The following CNTNAP2 variants were observed in gnomAD, a reference collection of about 807,000 sequenced individuals.
CNTNAP2 encodes the protein contactin-associated protein-like 2.
CNTNAP2 carries 98 observed loss-of-function variants against 155.2 expected under a neutral mutation model. That is an observed-to-expected ratio of 0.63 (90% CI 0.54 to 0.75). The LOEUF (loss-of-function observed/expected upper bound fraction) is 0.75. Among genes scored for constraint, CNTNAP2 ranks in the 30% least tolerant of loss-of-function variants. The pLI, the probability that CNTNAP2 is intolerant of heterozygous loss-of-function variation, is 0.00. For synonymous variants in CNTNAP2, 651 were observed against 631.2 expected (o/e 1.03, Z -0.47); for missense variants, 1,727 against 1,688.1 (o/e 1.02, Z -0.40).
At chr7:148,330,105 T>C (rs954267091) in intron 21 of CNTNAP2, among the ~76,000 whole-genome samples, 8 of 150,858 alleles carry the variant, frequency 5.3e-5, no homozygotes, top group African/African-American at 2.0e-4. Flanking sequence ...AATGGATGGA[T>C]AGATGGAGTG....
At chr7:147,022,269 G>C (rs1435964789) in intron 3 of CNTNAP2, among the ~76,000 whole-genome samples, 4 of 152,076 alleles carry the variant, frequency 2.6e-5, no homozygotes, top group African/African-American at 9.7e-5. Flanking sequence ...GTGAGTCCTA[G>C]ATCAGTCCAC....
At chr7:148,355,282 C>T (rs1473940856) in intron 21 of CNTNAP2, among the ~76,000 whole-genome samples, 3 of 144,964 alleles carry the variant, frequency 2.1e-5, no homozygotes, top group South Asian at 2.2e-4. Flanking sequence ...CCCAGGTTCA[C>T]GCCATTCTCC....
At chr7:147,873,099 C>T (rs1799355481) in intron 13 of CNTNAP2, among the ~76,000 whole-genome samples, 2 of 152,166 alleles carry the variant, frequency 1.3e-5, no homozygotes. Flanking sequence ...CATTTTAAAT[C>T]TATCCTGATA....
chr7:146,544,351 T>C (rs1797997309), intron 1 of CNTNAP2, among the ~76,000 whole-genome samples: 1 of 151,994 alleles, frequency 6.6e-6, no homozygotes. Flanking sequence ...CCTAGTTTTC[T>C]GAGATGAAGT....
chr7:147,452,341 G>C (rs995049168), intron 10 of CNTNAP2, among the ~76,000 whole-genome samples: 3 of 152,170 alleles, frequency 2.0e-5, no homozygotes, highest in Admixed American at 2.0e-4. Flanking sequence ...GGCCTTGACA[G>C]AGTATAATCA....
chr7:148,348,108 G>T (rs1310005376), intron 21 of CNTNAP2, among the ~76,000 whole-genome samples: 1 of 152,124 alleles, frequency 6.6e-6, no homozygotes. Flanking sequence ...AGCTCTTGAA[G>T]TCTAACACTG....
chr7:147,820,236 G>C (rs1798340608), intron 13 of CNTNAP2, among the ~76,000 whole-genome samples: 1 of 151,958 alleles, frequency 6.6e-6, no homozygotes, highest in Non-Finnish European at 1.5e-5. Context: ...GTTTTAATTT[G>C]TATTTCCCTG....
chr7:147,531,894 A>C (rs1399477800), intron 11 of CNTNAP2, among the ~76,000 whole-genome samples: 5 of 149,548 alleles, frequency 3.3e-5, no homozygotes, highest in African/African-American at 1.2e-4. Context: ...GCAAGCTTCA[A>C]CTCCTGGGTT....
intron 10 of CNTNAP2, among the ~76,000 whole-genome samples, chr7:147,413,022 C>T (rs1253718134): frequency 6.6e-6 from 1 of 152,236 alleles, no homozygotes; most frequent in Non-Finnish European, 1.5e-5. Context: ...AGAATGGAAA[C>T]TCGTGTCAAC....
At chr7:147,735,749 T>A (rs1234207256) in intron 13 of CNTNAP2, among the ~76,000 whole-genome samples, 5 of 152,194 alleles carry the variant, frequency 3.3e-5, no homozygotes, top group Non-Finnish European at 7.3e-5. Flanking sequence ...GTTCTTCTTG[T>A]TGAATTGATC....
At chr7:148,138,868 T>C (rs1805007642) in intron 16 of CNTNAP2, among the ~76,000 whole-genome samples, 1 of 152,250 alleles carries the variant, frequency 6.6e-6, no homozygotes, top group Non-Finnish European at 1.5e-5. Flanking sequence ...TTTTGCCTTC[T>C]TTCTTTTTAA....
chr7:147,376,187 A>C (rs1478407712), intron 9 of CNTNAP2, among the ~76,000 whole-genome samples: 1 of 152,102 alleles, frequency 6.6e-6, no homozygotes, highest in Non-Finnish European at 1.5e-5. Context: ...TTGGAAGCTT[A>C]GTATTTATCA....
At chr7:146,962,875 A>G (rs972565649) in intron 3 of CNTNAP2, 3 of 152,204 alleles carry the variant, frequency 2.0e-5, no homozygotes, top group African/African-American at 7.2e-5. Flanking sequence ...TAAATTAAGG[A>G]CATCTGAAAG....
intron 1 of CNTNAP2, among the ~76,000 whole-genome samples, chr7:146,532,969 G>T (rs191151657): frequency 9.1e-4 from 138 of 151,766 alleles, no homozygotes; most frequent in Admixed American, 2.4e-3. Context: ...AAGTATGGTG[G>T]TGTGTGCCTG....
intron 16 of CNTNAP2, among the ~76,000 whole-genome samples, chr7:148,135,046 AT>A (rs933244319): frequency 7.9e-5 from 12 of 151,492 alleles, no homozygotes; most frequent in Admixed American, 2.0e-4. Flanking sequence ...CCATAACAAT[AT>A]TTTTTTTTCA....
intron 10 of CNTNAP2, among the ~76,000 whole-genome samples, chr7:147,414,290 G>A (rs1455601067): frequency 1.3e-5 from 2 of 152,064 alleles, no homozygotes; most frequent in Admixed American, 6.5e-5. Flanking sequence ...TGGGCTCTGT[G>A]GCAGGTGACT....
intron 1 of CNTNAP2, among the ~76,000 whole-genome samples, chr7:146,611,615 C>T (rs1348710562): frequency 6.6e-6 from 1 of 152,108 alleles, no homozygotes; most frequent in African/African-American, 2.4e-5. Context: ...ACTGTATCTA[C>T]AAAGAACATT....
chr7:147,328,539 G>A (rs1163458361), intron 9 of CNTNAP2, among the ~76,000 whole-genome samples: 1 of 152,140 alleles, frequency 6.6e-6, no homozygotes, highest in African/African-American at 2.4e-5. Context: ...AGAAACTACA[G>A]GCAAGAATAA....
At chr7:147,691,222 G>A (rs909454756) in intron 13 of CNTNAP2, among the ~76,000 whole-genome samples, 4 of 151,956 alleles carry the variant, frequency 2.6e-5, no homozygotes, top group Non-Finnish European at 5.9e-5. Flanking sequence ...TCAATTTTTT[G>A]TACTATTCTA....
Sources: gnomAD v4.1 joint callset for allele counts (sites outside exome capture counted in the v4.1 genomes callset) on GRCh38, gnomAD v4.1.1 for gene constraint, MANE v1.5 for transcripts, NCBI Gene and HGNC (gene_info 2026-07-23, HGNC 2026-07-21) for gene names.